Variants in PCDH15 observed in about 807,000 individuals in gnomAD.
PCDH15 encodes the protein protocadherin-15.
PCDH15 carries 129 observed loss-of-function variants against 178.5 expected under a neutral mutation model. The ratio of observed to expected loss-of-function variants is 0.72; its 90% CI spans 0.63 to 0.84. The LOEUF is 0.84. PCDH15 is among the 40% of genes least tolerant of loss of function. The probability of loss-of-function intolerance (pLI) is 0.00; values close to 1 mark genes in which losing one functional copy is unlikely to be tolerated. For missense variants in PCDH15, 2,230 were observed against 2,099.9 expected, an observed-to-expected ratio of 1.06 and a Z score of -1.21; for synonymous variants, 800 against 732.0, an observed-to-expected ratio of 1.09 and a Z score of -1.50.
chr10:54,968,300 T>C (rs570374783), intron 2 of PCDH15, among the ~76,000 whole-genome samples: 2 of 152,188 alleles, frequency 1.3e-5, no homozygotes, highest in Admixed American at 1.3e-4. Flanking sequence ...TTGTCATTGT[T>C]TCCCTGCAGT....
At chr10:55,256,923 C>T (rs1842014786) in intron 1 of PCDH15, among the ~76,000 whole-genome samples, 1 of 152,186 alleles carries the variant, frequency 6.6e-6, no homozygotes, top group Admixed American at 6.5e-5. Flanking sequence ...GACAGACTGC[C>T]TCCTCAAGTG....
chr10:54,852,472 G>T (rs1456804451), intron 3 of PCDH15, among the ~76,000 whole-genome samples: 1 of 152,098 alleles, frequency 6.6e-6, no homozygotes, highest in Non-Finnish European at 1.5e-5. Context: ...TATAGAAAAG[G>T]TTTCCCAGAG....
intron 2 of PCDH15, among the ~76,000 whole-genome samples, chr10:55,356,585 G>A (rs1015562968): frequency 8.6e-5 from 13 of 151,650 alleles, no homozygotes; most frequent in African/African-American, 2.9e-4. Flanking sequence ...GAATTGATTC[G>A]TTCATTTATT....
intron 3 of PCDH15, among the ~76,000 whole-genome samples, chr10:54,505,384 T>A (rs573743481): frequency 6.6e-6 from 1 of 152,146 alleles, no homozygotes; most frequent in Non-Finnish European, 1.5e-5. Flanking sequence ...ACCCTATTTG[T>A]CTGTGTGTAA....
At chr10:54,168,930 A>G (rs2046557566) in intron 13 of PCDH15, among the ~76,000 whole-genome samples, 1 of 151,834 alleles carries the variant, frequency 6.6e-6, no homozygotes, top group African/African-American at 2.4e-5. Flanking sequence ...CCACTGTGAG[A>G]CAAACCCCAG....
intron 8 of PCDH15, among the ~76,000 whole-genome samples, chr10:54,299,132 C>T (rs545461170): frequency 6.6e-6 from 1 of 150,972 alleles, no homozygotes; most frequent in Non-Finnish European, 1.5e-5. Context: ...CAGGGAAAGA[C>T]CAGCAGAAAG....
chr10:53,977,022 T>C (rs1294535699), intron 21 of PCDH15, among the ~76,000 whole-genome samples: 1 of 151,880 alleles, frequency 6.6e-6, no homozygotes, highest in Non-Finnish European at 1.5e-5. Context: ...TCATCTTCTT[T>C]ATCTGTCCCT....
rs1944021464 is a variant in PCDH15 at position 54,735,758 on chromosome 10, T to C, written c.-29+65167A>G. On this transcript the variant is annotated intron_variant, in intron 1 of 37. Transcript: ENST00000644397. ...GGAAATCATCATTCTCAGTAAACTA[T>C]CGCAAGAACAAAAAACCAAACACCG... is the stretch of plus-strand genomic sequence containing the variant. 2.6e-5 allele frequency among the ~76,000 whole-genome samples: 3 copies of C among 114,684 alleles called. No individual in the cohort carries two copies. The South Asian group carries it at 9.4e-4, about 36-fold the overall frequency. 75.2% of individuals were successfully genotyped at this position (114,684 alleles called of 152,430 possible).
intron 1 of PCDH15, among the ~76,000 whole-genome samples, chr10:54,787,271 GA>G (rs5785091): frequency 5.1e-4 from 76 of 149,286 alleles, no homozygotes; most frequent in African/African-American, 1.4e-3. Flanking sequence ...AGATAAAAAG[GA>G]AAAAAAAACA....
chr10:55,322,112 G>A (rs1328855093), upstream of PCDH15, among the ~76,000 whole-genome samples: 3 of 152,156 alleles, frequency 2.0e-5, no homozygotes, highest in African/African-American at 4.8e-5. Context: ...TGAATCATGG[G>A]AGGGGTATCC....
At position 54,585,154 on chromosome 10, in the gene PCDH15, C is replaced by T. The variant is rs186660798; in HGVS notation, c.92-57277G>A. Among the ~76,000 whole-genome samples, 168 of 138,378 alleles carry T rather than the reference C, an allele frequency of 1.2e-3. 1 individual carries two copies. Among genetic ancestry groups the T allele is most frequent in the Middle Eastern group, 3.6e-3 (1 of 274 alleles). The allele number at this position is 138,378 out of a possible 152,430, so 90.8% of individuals were successfully genotyped here. On this transcript the variant is annotated intron_variant, in intron 2 of 37. Coordinates refer to ENST00000644397, the MANE Select transcript of PCDH15 (RefSeq NM_001384140.1). ...AAGTCTCTTTAAAACTGTAAATGAC[C>T]CACAGAAGTTGGCTGCCCTAAAGGT...
intron 2 of PCDH15, among the ~76,000 whole-genome samples, chr10:55,492,411 G>T (rs1444424344): frequency 6.6e-6 from 1 of 151,678 alleles, no homozygotes; most frequent in Non-Finnish European, 1.5e-5. Flanking sequence ...TTGGAATGAT[G>T]CAAGCATTTA....
chr10:54,074,118 T>C (rs2094296960), intron 17 of PCDH15, among the ~76,000 whole-genome samples: 1 of 152,128 alleles, frequency 6.6e-6, no homozygotes, highest in African/African-American at 2.4e-5. Context: ...AAGCAGAAAA[T>C]AGCCAGCAGG....
At chr10:53,984,606 A>G (rs187472501) in intron 21 of PCDH15, among the ~76,000 whole-genome samples, 19 of 152,276 alleles carry the variant, frequency 1.2e-4, no homozygotes, top group Admixed American at 2.6e-4. Flanking sequence ...ATCTTGAGGA[A>G]TTTTTATTGT....
chr10:54,733,040 A>G (rs1341708240), intron 1 of PCDH15, among the ~76,000 whole-genome samples: 1 of 151,590 alleles, frequency 6.6e-6, no homozygotes, highest in Non-Finnish European at 1.5e-5. Flanking sequence ...TGTCTACGAA[A>G]ACGTACAGCT....
At chr10:54,576,948 A>AT (rs11318409) in intron 2 of PCDH15, among the ~76,000 whole-genome samples, 3 of 152,144 alleles carry the variant, frequency 2.0e-5, no homozygotes, top group Admixed American at 6.5e-5. Flanking sequence ...CCACCAAGTT[A>AT]TTTTTTTTTA....
chr10:55,193,206 G>A (rs904244748), intron 1 of PCDH15, among the ~76,000 whole-genome samples: 2 of 151,632 alleles, frequency 1.3e-5, no homozygotes, highest in Non-Finnish European at 2.9e-5. Context: ...GGTGGCTTAC[G>A]ATATTGGAGA....
intron 1 of PCDH15, among the ~76,000 whole-genome samples, chr10:55,271,472 A>T (rs1475197913): frequency 6.6e-6 from 1 of 152,122 alleles, no homozygotes; most frequent in African/African-American, 2.4e-5. Context: ...GCTATGAGCA[A>T]TGAACAAAAA....
Position 55,068,588 on chromosome 10 carries a change from G to A in PCDH15, c.-80+97988C>T, listed in dbSNP as rs75321799. Among the ~76,000 whole-genome samples, 1,233 of 151,868 alleles carry A rather than the reference G, an allele frequency of 8.1e-3. 9 individuals are homozygous for A. Among genetic ancestry groups the A allele is most frequent in the Non-Finnish European group, 0.011 (726 of 67,960 alleles). ...CTTTGGCTCTTCTGGATATTTTTTT[G>A]TTTCAAATGAATTTTAGGATATTTT... On this transcript the variant is annotated intron_variant, in intron 2 of 5. Transcript: ENST00000458638.
Sources: gnomAD v4.1 joint callset for allele counts (sites outside exome capture counted in the v4.1 genomes callset) on GRCh38, gnomAD v4.1.1 for gene constraint, MANE v1.5 for transcripts, NCBI Gene and HGNC (gene_info 2026-07-23, HGNC 2026-07-21) for gene names.